The following SUGCT variants were observed in gnomAD, a reference collection of about 807,000 sequenced individuals.
SUGCT encodes the protein succinyl-CoA:glutarate CoA-transferase.
Under a neutral mutation model 55.0 loss-of-function variants are expected in SUGCT, and 41 were observed. The ratio of observed to expected loss-of-function variants is 0.74; its 90% CI spans 0.58 to 0.97. The LOEUF is 0.97. Among genes scored for constraint, SUGCT ranks in the 50% least tolerant of loss-of-function variants. The probability of loss-of-function intolerance (pLI) is 0.00; values close to 1 mark genes in which losing one functional copy is unlikely to be tolerated. For synonymous variants in SUGCT, 187 were observed against 200.4 expected, an observed-to-expected ratio of 0.93 and a Z score of 0.56; for missense variants, 568 against 547.8, an observed-to-expected ratio of 1.04 and a Z score of -0.37.
At chr7:40,971,798 C>T in the SUGCT span, among the ~76,000 whole-genome samples, 2 of 152,134 alleles carry the variant, frequency 1.3e-5, no homozygotes, top group Non-Finnish European at 2.9e-5. Flanking sequence ...CATCAGGAAC[C>T]TCACTTTTGT....
chr7:40,885,692 G>GCAA, the SUGCT span, among the ~76,000 whole-genome samples: 1 of 152,220 alleles, frequency 6.6e-6, no homozygotes, highest in Non-Finnish European at 1.5e-5. Context: ...TCCTTTTGAT[G>GCAA]ACCCCTGACG....
chr7:40,808,919 C>A (rs1415578492), intron 13 of SUGCT, among the ~76,000 whole-genome samples: 1 of 152,138 alleles, frequency 6.6e-6, no homozygotes, highest in Admixed American at 6.5e-5. Flanking sequence ...AGGCAAAATA[C>A]CCCCAGACAA....
intron 12 of SUGCT, among the ~76,000 whole-genome samples, chr7:40,744,848 T>A (rs566441845): frequency 6.6e-6 from 1 of 152,338 alleles, no homozygotes; most frequent in South Asian, 2.1e-4. Flanking sequence ...CTAACCTCCC[T>A]GACCTAAGTC....
rs189199403 is a variant in SUGCT at position 40,718,579 on chromosome 7, G to A, written c.1090-30855G>A. On this transcript the variant is annotated intron_variant, in intron 12 of 13. Transcript: ENST00000335693. ...TATACATTTTTTTTGTCTGATAAAT[G>A]AACTGCTAGGCTTTCTGACTGTTTA... is the stretch of plus-strand genomic sequence containing the variant. 2.6e-5 allele frequency among the ~76,000 whole-genome samples: 4 copies of A among 152,238 alleles called. No individual in the cohort carries two copies. In the East Asian group the frequency reaches 7.7e-4, roughly 29 times the overall value.
At chr7:40,787,342 C>CATT (rs1790062383) in intron 13 of SUGCT, among the ~76,000 whole-genome samples, 1 of 152,120 alleles carries the variant, frequency 6.6e-6, no homozygotes, top group African/African-American at 2.4e-5. Context: ...CCACTTAGGG[C>CATT]ATTACCATTT....
intron 13 of SUGCT, among the ~76,000 whole-genome samples, chr7:40,778,567 C>T (rs1250711239): frequency 2.0e-5 from 3 of 152,214 alleles, no homozygotes; most frequent in African/African-American, 2.4e-5. Flanking sequence ...CCACGTCACC[C>T]AGTGGTGAGG....
chr7:40,639,526 T>C (rs1800172627), intron 12 of SUGCT, among the ~76,000 whole-genome samples: 4 of 151,708 alleles, frequency 2.6e-5, no homozygotes, highest in Admixed American at 6.6e-5. Flanking sequence ...TTTTTTTTTT[T>C]TTTTTGAGAA....
rs148508563 is a variant in SUGCT at position 40,729,995 on chromosome 7, A to G, written c.1090-19439A>G. Among the ~76,000 whole-genome samples, 66 of 152,348 alleles carry G rather than the reference A, an allele frequency of 4.3e-4. No individual in the cohort carries two copies. In the East Asian group the frequency reaches 9.5e-3, roughly 22 times the overall value. On this transcript the variant is annotated intron_variant, in intron 12 of 13. Transcript: ENST00000335693. ...ACTGTGCAAGCCAGGGAAAATATAA[A>G]CGGTGCCCTTGGGCTGCTTGGCTCG...
At chr7:40,219,314 A>G (rs771423790) in intron 6 of SUGCT, among the ~76,000 whole-genome samples, 6 of 152,236 alleles carry the variant, frequency 3.9e-5, no homozygotes, top group Non-Finnish European at 7.3e-5. Context: ...TCTTGAAGTC[A>G]GTGAGACCAA....
At chr7:40,389,115 T>A (rs1370846670) in intron 9 of SUGCT, among the ~76,000 whole-genome samples, 1 of 152,162 alleles carries the variant, frequency 6.6e-6, no homozygotes. Flanking sequence ...AATATAAGAA[T>A]GTTTTACAAA....
chr7:40,405,107 G>T (rs1786285142), intron 9 of SUGCT, among the ~76,000 whole-genome samples: 1 of 152,154 alleles, frequency 6.6e-6, no homozygotes, highest in South Asian at 2.1e-4. Flanking sequence ...AGAGATGAGA[G>T]CCTCACCTGG....
At chr7:40,329,868 T>C (rs1489930331) in intron 9 of SUGCT, among the ~76,000 whole-genome samples, 2 of 152,214 alleles carry the variant, frequency 1.3e-5, no homozygotes, top group African/African-American at 4.8e-5. Flanking sequence ...GCTACTGATA[T>C]ACACATTGAT....
intron 9 of SUGCT, among the ~76,000 whole-genome samples, chr7:40,382,101 A>G (rs997885888): frequency 6.6e-6 from 1 of 152,038 alleles, no homozygotes; most frequent in Non-Finnish European, 1.5e-5. Flanking sequence ...TATTTTTCAA[A>G]AAACACCTAT....
chr7:40,516,221 G>A (rs1462472888), intron 12 of SUGCT, among the ~76,000 whole-genome samples: 1 of 151,924 alleles, frequency 6.6e-6, no homozygotes, highest in Non-Finnish European at 1.5e-5. Flanking sequence ...TATTATTATT[G>A]AGTTATAAGA....
At chr7:40,852,967 C>T (rs1302088187) in intron 13 of SUGCT, among the ~76,000 whole-genome samples, 1 of 151,834 alleles carries the variant, frequency 6.6e-6, no homozygotes, top group Non-Finnish European at 1.5e-5. Flanking sequence ...CAGCTTTTAT[C>T]AGCCTTTCAA....
At chr7:40,998,563 C>A in the SUGCT span, among the ~76,000 whole-genome samples, 15 of 152,200 alleles carry the variant, frequency 9.9e-5, no homozygotes, top group Admixed American at 9.2e-4. Context: ...AAATTAGTAT[C>A]TTTTCTGAGT....
At chr7:40,655,707 T>A (rs1463534938) in intron 12 of SUGCT, among the ~76,000 whole-genome samples, 1 of 152,182 alleles carries the variant, frequency 6.6e-6, no homozygotes, top group African/African-American at 2.4e-5. Context: ...TAGGGGACAG[T>A]GGTGAAATCA....
At position 40,180,991 on chromosome 7, in the gene SUGCT, C is replaced by A; in HGVS notation, c.145C>A (p.Leu49Ile). 6.2e-7 allele frequency: 1 copy of A among 1,608,660 alleles called. No homozygotes were observed. The highest frequency in any genetic ancestry group is 8.5e-7 in the Non-Finnish European group (1 of 1,175,548). The change falls in exon 2 of 14, where the codon CTA (leucine) becomes ATA (isoleucine). Residue 49 changes from leucine (L) to isoleucine (I), a missense_variant. Coordinates refer to ENST00000335693, the MANE Select transcript of SUGCT (RefSeq NM_001193313.2). ...KPLEGVKILD[L>I]TRVLAGPFAT... ...ATTGGAAGGGGTAAAAATTCTGGAT[C>A]TAACAAGGTTTGTATTGGTTTATCT...
intron 11 of SUGCT, among the ~76,000 whole-genome samples, chr7:40,467,562 A>G (rs955072853): frequency 3.9e-5 from 6 of 152,190 alleles, no homozygotes; most frequent in Admixed American, 2.6e-4. Context: ...TTTGAGACCT[A>G]TCTGAGGAAG....
Sources: allele counts gnomAD v4.1 joint callset (sites outside exome capture counted in the v4.1 genomes callset), GRCh38; gene constraint gnomAD v4.1.1; transcripts MANE v1.5; gene names NCBI Gene and HGNC (gene_info 2026-07-23, HGNC 2026-07-21).